The following RBMS3 variants were observed in gnomAD, a reference collection of about 807,000 sequenced individuals.
RBMS3 encodes RNA-binding motif, single-stranded-interacting protein 3.
Under a neutral mutation model 66.8 loss-of-function variants are expected in RBMS3, and 27 were observed. That is an observed-to-expected ratio of 0.40 (90% CI 0.30 to 0.56). RBMS3 has a LOEUF of 0.56. RBMS3 is among the 20% of genes least tolerant of loss of function. RBMS3 has a pLI of 0.40. For synonymous variants in RBMS3, 188 were observed against 183.0 expected, an observed-to-expected ratio of 1.03 and a Z score of -0.22; for missense variants, 513 against 549.5, an observed-to-expected ratio of 0.93 and a Z score of 0.66.
At chr3:29,677,330 T>C (rs766315770) in intron 4 of RBMS3, among the ~76,000 whole-genome samples, 1 of 152,190 alleles carries the variant, frequency 6.6e-6, no homozygotes, top group African/African-American at 2.4e-5. Flanking sequence ...AATCCTGAAT[T>C]ACTATCTGAT....
chr3:29,514,725 T>C (rs964997857), intron 3 of RBMS3, among the ~76,000 whole-genome samples: 1 of 141,620 alleles, frequency 7.1e-6, no homozygotes, highest in Non-Finnish European at 1.5e-5. Context: ...GTGTATATGA[T>C]AAGCATATAT....
At chr3:29,818,919 A>G (rs115391685) in intron 6 of RBMS3, among the ~76,000 whole-genome samples, 2,077 of 152,308 alleles carry the variant, frequency 0.014, 44 homozygotes, top group African/African-American at 0.047. Flanking sequence ...AAGTTTTACT[A>G]TGAAAACCCA....
At chr3:29,504,851 G>A (rs1033690628) in intron 3 of RBMS3, among the ~76,000 whole-genome samples, 35 of 152,060 alleles carry the variant, frequency 2.3e-4, no homozygotes, top group African/African-American at 8.5e-4. Flanking sequence ...GTCATGGTGA[G>A]CATGTTTTCA....
At chr3:29,798,531 A>G (rs1296344393) in intron 6 of RBMS3, among the ~76,000 whole-genome samples, 1 of 152,160 alleles carries the variant, frequency 6.6e-6, no homozygotes, top group Non-Finnish European at 1.5e-5. Context: ...TCTTCTTTTA[A>G]TTTATTGGCA....
At chr3:29,774,275 C>G (rs958492227) in intron 6 of RBMS3, among the ~76,000 whole-genome samples, 2 of 151,898 alleles carry the variant, frequency 1.3e-5, no homozygotes, top group East Asian at 1.9e-4. Context: ...TTATAGGTAG[C>G]TGGCTTCTTT....
chr3:29,647,422 A>C (rs2049963817), intron 4 of RBMS3, among the ~76,000 whole-genome samples: 1 of 152,230 alleles, frequency 6.6e-6, no homozygotes, highest in Non-Finnish European at 1.5e-5. Flanking sequence ...AAAAACAAAA[A>C]CAAAAAAGCT....
chr3:29,298,150 A>G (rs13076689), intron 1 of RBMS3, among the ~76,000 whole-genome samples: 33,939 of 151,798 alleles, frequency 0.22, 4,018 homozygotes, highest in Admixed American at 0.31. Context: ...CACCCCCTGC[A>G]TGTGGTAGGT....
chr3:29,616,834 G>A (rs1280141492), intron 4 of RBMS3: 2 of 152,140 alleles, frequency 1.3e-5, no homozygotes, highest in Non-Finnish European at 2.9e-5. Context: ...ATTATGTAGA[G>A]GAATCAATGT....
chr3:29,855,724 A>G (rs1260015278), intron 6 of RBMS3, among the ~76,000 whole-genome samples: 1 of 152,248 alleles, frequency 6.6e-6, no homozygotes, highest in Non-Finnish European at 1.5e-5. Flanking sequence ...GTCGGACTGA[A>G]TTAAGTTCAA....
intron 8 of RBMS3, among the ~76,000 whole-genome samples, chr3:29,884,674 C>A (rs2059826944): frequency 6.6e-6 from 1 of 151,834 alleles, no homozygotes; most frequent in Admixed American, 6.6e-5. Context: ...TCTTCATTTT[C>A]ATAAGCATCT....
chr3:29,842,604 A>G (rs980935939), intron 6 of RBMS3, among the ~76,000 whole-genome samples: 1 of 152,190 alleles, frequency 6.6e-6, no homozygotes, highest in Non-Finnish European at 1.5e-5. Context: ...AGATAATTGC[A>G]TCCCAGAGAT....
chr3:29,705,767 CAT>C (rs1321096537), intron 4 of RBMS3, among the ~76,000 whole-genome samples: 3 of 152,060 alleles, frequency 2.0e-5, no homozygotes, highest in South Asian at 4.2e-4. Context: ...ACTGAGATAA[CAT>C]ATATGATATA....
intron 6 of RBMS3, among the ~76,000 whole-genome samples, chr3:29,787,370 A>C (rs1348672600): frequency 6.6e-6 from 1 of 152,164 alleles, no homozygotes; most frequent in Non-Finnish European, 1.5e-5. Flanking sequence ...ACACAAAAAA[A>C]ATACTTGCAC....
At chr3:29,696,835 T>G (rs1357697139) in intron 4 of RBMS3, 1 of 502,202 alleles carries the variant, frequency 2.0e-6, no homozygotes, top group Non-Finnish European at 2.6e-6. Flanking sequence ...AGAGCCAGTG[T>G]AGGGTACACA....
intron 10 of RBMS3, among the ~76,000 whole-genome samples, chr3:29,926,141 A>G (rs2060931035): frequency 6.6e-6 from 1 of 152,196 alleles, no homozygotes; most frequent in Non-Finnish European, 1.5e-5. Context: ...TTATCTCAGC[A>G]TTAGACCACA....
chr3:29,324,192 A>T (rs1287564315), intron 1 of RBMS3, among the ~76,000 whole-genome samples: 1 of 152,174 alleles, frequency 6.6e-6, no homozygotes, highest in East Asian at 1.9e-4. Context: ...ACTGACTTCA[A>T]CCTTTCATTT....
intron 10 of RBMS3, among the ~76,000 whole-genome samples, chr3:29,911,658 C>A (rs766158095): frequency 6.6e-6 from 1 of 152,040 alleles, no homozygotes; most frequent in Non-Finnish European, 1.5e-5. Flanking sequence ...GATTTCTACT[C>A]CCCTCAGAAC....
At chr3:29,538,090 T>C (rs2045638761) in intron 3 of RBMS3, among the ~76,000 whole-genome samples, 1 of 152,196 alleles carries the variant, frequency 6.6e-6, no homozygotes, top group Admixed American at 6.5e-5. Context: ...GGGTAACATG[T>C]CATTCACATT....
At chr3:29,375,396 TATC>T (rs2038413899) in intron 1 of RBMS3, among the ~76,000 whole-genome samples, 1 of 152,166 alleles carries the variant, frequency 6.6e-6, no homozygotes, top group Admixed American at 6.5e-5. Context: ...CAAAAGAAAC[TATC>T]ATCAGAGTGA....
Sources: allele counts gnomAD v4.1 joint callset (sites outside exome capture counted in the v4.1 genomes callset), GRCh38; gene constraint gnomAD v4.1.1; transcripts MANE v1.5; gene names NCBI Gene and HGNC (gene_info 2026-07-23, HGNC 2026-07-21).